Variants in GLIS3 observed in about 807,000 individuals in gnomAD.
GLIS3 encodes zinc finger protein GLIS3.
A neutral mutation model predicts 78.6 loss-of-function variants in GLIS3; 53 were observed. That is an observed-to-expected ratio of 0.67 (90% CI 0.54 to 0.85). The LOEUF (loss-of-function observed/expected upper bound fraction) is 0.85, where lower values mean the gene tolerates loss of function less well. Ranked by LOEUF, GLIS3 falls within the 40% of genes least tolerant of loss-of-function variation. The pLI is 0.00. For missense variants in GLIS3, 1,703 were observed against 1,231.1 expected (o/e 1.38, Z -5.74); for synonymous variants, 684 against 509.9 (o/e 1.34, Z -4.60).
At chr9:4,170,371 C>G (rs920099664) in intron 2 of GLIS3, among the ~76,000 whole-genome samples, 1 of 152,164 alleles carries the variant, frequency 6.6e-6, no homozygotes, top group Admixed American at 6.5e-5. Flanking sequence ...ATGAGTGAAG[C>G]TGGGCTGGTC....
intron 4 of GLIS3, among the ~76,000 whole-genome samples, chr9:3,991,549 T>A (rs1023129309): frequency 3.9e-5 from 6 of 152,190 alleles, no homozygotes; most frequent in African/African-American, 1.2e-4. Context: ...TAATTTGCCA[T>A]ACTTCACATG....
chr9:4,270,316 T>C (rs1442776212), intron 2 of GLIS3, among the ~76,000 whole-genome samples: 1 of 152,202 alleles, frequency 6.6e-6, no homozygotes, highest in Non-Finnish European at 1.5e-5. Context: ...CTGTACTAAT[T>C]ATCTATTGCT....
chr9:4,171,712 T>A lies in GLIS3; in HGVS notation c.389-45771A>T, dbSNP rs191138099. On this transcript the variant is annotated intron_variant, in intron 2 of 10. Transcript: ENST00000381971. ...AAGCAATCTAAGATGACTTGAACTG[T>A]TTTTCTTTTGATATGGATTAAGCTT... Among the ~76,000 whole-genome samples the A allele has an allele frequency of 4.7e-4, 72 of 152,270 alleles. No homozygotes were observed. In the East Asian group the frequency reaches 0.013, roughly 28 times the overall value.
At position 4,286,512 on chromosome 9, in the gene GLIS3, T is replaced by C; in HGVS notation, c.-87A>G. The C allele has an allele frequency of 3.3e-6, 5 of 1,499,106 alleles. No homozygotes were observed. The highest frequency in any genetic ancestry group is 1.1e-5 in the South Asian group (1 of 87,306). The allele number at this position is 1,499,106 out of a possible 1,614,324, so 92.9% of individuals were successfully genotyped here. On this transcript the variant is annotated 5_prime_UTR_variant, in exon 2 of 11. Coordinates refer to ENST00000381971, the MANE Select transcript of GLIS3 (RefSeq NM_001042413.2). ...AAAGTCCAATAAGTTATCCATGGTG[T>C]GGGTTATAAGCCTGTTTAAAAAAAT...
At chr9:4,286,549 T>C in intron 1 of GLIS3, 26 bp from the exon 2 acceptor site, 1 of 1,141,080 alleles carries the variant, frequency 8.8e-7, no homozygotes, top group South Asian at 1.3e-5. Flanking sequence ...AACGCAGGCA[T>C]TTTTAAAAGC....
At chr9:4,059,868 A>ACAG (rs1826498130) in intron 4 of GLIS3, among the ~76,000 whole-genome samples, 1 of 102,058 alleles carries the variant, frequency 9.8e-6, no homozygotes, top group Admixed American at 9.5e-5. Flanking sequence ...GAGAGAGAGA[A>ACAG]AGAGAGAGAC....
chr9:4,317,663 C>A (rs1372118183), intron 2 of GLIS3, among the ~76,000 whole-genome samples: 1 of 152,092 alleles, frequency 6.6e-6, no homozygotes, highest in Non-Finnish European at 1.5e-5. Context: ...TAAAAATCAG[C>A]AGGTTGATCA....
In GLIS3 at chr9:4,228,387, G is replaced by C. The variant is rs138869667; in HGVS notation, c.388+57651C>G. Among the ~76,000 whole-genome samples the C allele has an allele frequency of 5.5e-4, 84 of 152,250 alleles. 1 individual carries two copies. The highest frequency in any genetic ancestry group is 2.0e-3 in the Admixed American group (31 of 15,296). On this transcript the variant is annotated intron_variant, in intron 2 of 10. Coordinates refer to ENST00000381971, the MANE Select transcript of GLIS3 (RefSeq NM_001042413.2). ...GAATGTAACAGGTGAAGCTCTGAGA[G>C]TACATAACCCTCCAGTGCAATGATA... is the stretch of plus-strand genomic sequence containing the variant.
intron 2 of GLIS3, among the ~76,000 whole-genome samples, chr9:4,339,285 C>G (rs1378454676): frequency 6.6e-6 from 1 of 152,174 alleles, no homozygotes; most frequent in East Asian, 1.9e-4. Context: ...GTAGCTAAAG[C>G]CAGTGGGAGG....
intron 2 of GLIS3, among the ~76,000 whole-genome samples, chr9:4,176,595 T>C (rs1185551131): frequency 1.3e-5 from 2 of 152,192 alleles, no homozygotes; most frequent in African/African-American, 4.8e-5. Flanking sequence ...AGAACATCTC[T>C]ATGCACATTT....
At chr9:3,918,883 A>G (rs1030098817) in intron 6 of GLIS3, among the ~76,000 whole-genome samples, 3 of 152,242 alleles carry the variant, frequency 2.0e-5, no homozygotes, top group Non-Finnish European at 2.9e-5. Flanking sequence ...CACAATGACC[A>G]ATGTTCACCA....
chr9:4,368,723 G>A, the GLIS3 span, among the ~76,000 whole-genome samples: 1 of 152,174 alleles, frequency 6.6e-6, no homozygotes. Context: ...GCCACTTCGT[G>A]CCTCTGAACC....
upstream of GLIS3, among the ~76,000 whole-genome samples, chr9:4,353,240 G>A (rs1817997377): frequency 6.6e-6 from 1 of 152,158 alleles, no homozygotes; most frequent in South Asian, 2.1e-4. Context: ...TACCAGCCAG[G>A]CAAAACCACA....
At chr9:4,202,598 A>G (rs762568634) in intron 2 of GLIS3, among the ~76,000 whole-genome samples, 4 of 152,174 alleles carry the variant, frequency 2.6e-5, no homozygotes, top group Non-Finnish European at 5.9e-5. Context: ...ACAAAATCGC[A>G]TGGTGAAAGT....
intron 2 of GLIS3, among the ~76,000 whole-genome samples, chr9:4,329,391 T>C (rs757876667): frequency 6.6e-6 from 1 of 152,132 alleles, no homozygotes; most frequent in Non-Finnish European, 1.5e-5. Context: ...TTTACAAATA[T>C]TGACAACTGA....
At chr9:4,476,100 T>C in the GLIS3 span, among the ~76,000 whole-genome samples, 3 of 152,132 alleles carry the variant, frequency 2.0e-5, no homozygotes, top group African/African-American at 7.2e-5. Flanking sequence ...TTTTAAATAA[T>C]TTAAAAATTA....
At chr9:4,003,667 G>T (rs1197439495) in intron 4 of GLIS3, among the ~76,000 whole-genome samples, 2 of 152,170 alleles carry the variant, frequency 1.3e-5, no homozygotes, top group African/African-American at 4.8e-5. Flanking sequence ...GTAGCTCAAA[G>T]AATTGCTAAA....
In GLIS3 at chr9:4,258,662, TAGAAACCTC is replaced by T. The variant is rs572293412; in HGVS notation, c.388+27367_388+27375del. 2.8e-4 allele frequency among the ~76,000 whole-genome samples: 42 copies of T among 152,310 alleles called. No homozygotes were observed. In the East Asian group the frequency reaches 7.9e-3, roughly 29 times the overall value. Reference sequence around the variant, plus strand: ...CCATGTTCACTTGTAAATCACCCCTTAGAAACCTCAGAAACATCAGTTAGTTTTGAGTGG... The same window carrying T: ...CCATGTTCACTTGTAAATCACCCCTTAGAAACATCAGTTAGTTTTGAGTGG... On this transcript the variant is annotated intron_variant, in intron 2 of 10. Coordinates refer to ENST00000381971, the MANE Select transcript of GLIS3 (RefSeq NM_001042413.2).
intron 2 of GLIS3, among the ~76,000 whole-genome samples, chr9:4,322,859 G>A (rs1189519917): frequency 1.3e-5 from 2 of 152,146 alleles, no homozygotes; most frequent in Non-Finnish European, 2.9e-5. Context: ...CATTCTGTAG[G>A]TTGCCTGTTC....
Sources: allele counts gnomAD v4.1 joint callset (sites outside exome capture counted in the v4.1 genomes callset), GRCh38; gene constraint gnomAD v4.1.1; transcripts MANE v1.5; gene names NCBI Gene and HGNC (gene_info 2026-07-23, HGNC 2026-07-21).